ZRANB3: variants seen among roughly 807,000 people sequenced by gnomAD.
The protein encoded by ZRANB3 is DNA annealing helicase and endonuclease ZRANB3.
A neutral mutation model predicts 133.8 loss-of-function variants in ZRANB3; 125 were observed. The observed-to-expected ratio is 0.93, with a 90% CI of 0.81 to 1.08. ZRANB3 has a LOEUF of 1.08. Ranked by LOEUF, ZRANB3 falls within the 50% of genes least tolerant of loss-of-function variation. ZRANB3 has a pLI of 0.00. For missense variants in ZRANB3, 1,229 were observed against 1,275.5 expected, an observed-to-expected ratio of 0.96 and a Z score of 0.56; for synonymous variants, 387 against 432.7, an observed-to-expected ratio of 0.89 and a Z score of 1.31.
chr2:135,461,839 G>A (rs1274846959), intron 2 of ZRANB3, among the ~76,000 whole-genome samples: 1 of 152,028 alleles, frequency 6.6e-6, no homozygotes, highest in South Asian at 2.1e-4. Flanking sequence ...CTAGCAAAAT[G>A]GAAAATATAG....
intron 2 of ZRANB3, among the ~76,000 whole-genome samples, chr2:135,493,028 T>C (rs1412923668): frequency 2.0e-5 from 3 of 147,126 alleles, no homozygotes; most frequent in Non-Finnish European, 4.5e-5. Context: ...AATAACTAGA[T>C]ATTGGTATGA....
rs1283164476 is a variant in ZRANB3, at chr2:135,244,563, G to A, written c.1540-13636C>T. ...GTGGAGGTTGCAGTGAGCTGAGTTC[G>A]CACCATTGCACTCCAGCCTGGGTGA... is the stretch of plus-strand genomic sequence containing the variant. On this transcript the variant is annotated intron_variant, in intron 12 of 20. Transcript: ENST00000264159. 7.2e-5 allele frequency among the ~76,000 whole-genome samples: 11 copies of A among 151,854 alleles called. No individual in the cohort carries two copies. The South Asian group carries it at 1.2e-3, about 17-fold the overall frequency.
chr2:135,326,476 T>A (rs554868894), intron 6 of ZRANB3, among the ~76,000 whole-genome samples: 3 of 152,346 alleles, frequency 2.0e-5, no homozygotes, highest in South Asian at 4.1e-4. Context: ...TAGTTTTTTT[T>A]AAATTTTACT....
chr2:135,218,380 G>C (rs1349905771), intron 16 of ZRANB3, among the ~76,000 whole-genome samples: 1 of 152,118 alleles, frequency 6.6e-6, no homozygotes, highest in Non-Finnish European at 1.5e-5. Context: ...TACCAGTCAA[G>C]TATACACAAC....
intron 6 of ZRANB3, among the ~76,000 whole-genome samples, chr2:135,316,981 AAAAT>A (rs1422060037): frequency 1.0e-4 from 14 of 140,674 alleles, no homozygotes; most frequent in African/African-American, 2.9e-4. Context: ...AAAAAAAAAA[AAAAT>A]ATATATATAT....
At chr2:135,500,994 G>A (rs1574212742) in intron 2 of ZRANB3, among the ~76,000 whole-genome samples, 1 of 151,954 alleles carries the variant, frequency 6.6e-6, no homozygotes, top group African/African-American at 2.4e-5. Context: ...TTTGAAGAGG[G>A]AATAGCTGAG....
Position 135,379,834 on chromosome 2 carries a change from C to T in ZRANB3, c.180+10968G>A, listed in dbSNP as rs927146158. Among the ~76,000 whole-genome samples, 11 of 151,946 alleles carry T rather than the reference C, an allele frequency of 7.2e-5. No homozygotes were observed. The East Asian group carries it at 1.2e-3, about 16-fold the overall frequency. ...AATATTAACCTTAAATGTAAATGGG[C>T]GAAATGTACCCATTAAAAGACAGAA... is the stretch of plus-strand genomic sequence containing the variant. On this transcript the variant is annotated intron_variant, in intron 3 of 20. Coordinates refer to ENST00000264159, the MANE Select transcript of ZRANB3 (RefSeq NM_032143.4).
chr2:135,436,467 C>T (rs1689537673), intron 2 of ZRANB3, among the ~76,000 whole-genome samples: 1 of 152,144 alleles, frequency 6.6e-6, no homozygotes. Context: ...CATACACCAA[C>T]AACAGCCAAA....
intron 8 of ZRANB3, among the ~76,000 whole-genome samples, chr2:135,280,491 C>T (rs181548778): frequency 0.011 from 1,642 of 152,144 alleles, 26 homozygotes; most frequent in African/African-American, 0.037. Flanking sequence ...CATTTGAGCC[C>T]GGGAGGCAGA....
chr2:135,290,013 T>C (rs1681605579), intron 8 of ZRANB3, among the ~76,000 whole-genome samples: 1 of 152,250 alleles, frequency 6.6e-6, no homozygotes, highest in African/African-American at 2.4e-5. Context: ...ATATAATGTA[T>C]ATTCTGTAGT....
chr2:135,510,848 G>A (rs1021136407), intron 1 of ZRANB3: 24 of 998,154 alleles, frequency 2.4e-5, no homozygotes, highest in Admixed American at 6.7e-5. Flanking sequence ...ACTCCACCAC[G>A]TTCCCATAAT....
intron 12 of ZRANB3, among the ~76,000 whole-genome samples, chr2:135,247,894 TG>T (rs1379374683): frequency 1.3e-5 from 2 of 152,194 alleles, no homozygotes; most frequent in African/African-American, 2.4e-5. Flanking sequence ...ACAGCACAGC[TG>T]ATCTACCAAA....
chr2:135,290,217 T>C (rs537112771), intron 8 of ZRANB3, among the ~76,000 whole-genome samples: 1 of 152,308 alleles, frequency 6.6e-6, no homozygotes, highest in East Asian at 1.9e-4. Context: ...CTATATTGTG[T>C]TGTGGTCTAT....
chr2:135,209,108 T>A (rs1435686273), intron 17 of ZRANB3, 130 bp from the exon 18 acceptor site: 2 of 770,738 alleles, frequency 2.6e-6, no homozygotes, highest in Non-Finnish European at 4.0e-6. Flanking sequence ...GTGCTGAAAC[T>A]CAAGTTAGAA....
chr2:135,251,833 G>A (rs1308928863), intron 12 of ZRANB3, among the ~76,000 whole-genome samples: 1 of 152,098 alleles, frequency 6.6e-6, no homozygotes, highest in African/African-American at 2.4e-5. Context: ...TCAGGAGTTT[G>A]AGGCCAGCCT....
At chr2:135,464,404 T>C (rs1574143717) in intron 2 of ZRANB3, among the ~76,000 whole-genome samples, 1 of 152,240 alleles carries the variant, frequency 6.6e-6, no homozygotes, top group Non-Finnish European at 1.5e-5. Flanking sequence ...CGCCTTAGGG[T>C]GGAAGTTGCA....
chr2:135,341,100 C>T (rs1476001786), intron 6 of ZRANB3, among the ~76,000 whole-genome samples: 1 of 149,760 alleles, frequency 6.7e-6, no homozygotes, highest in Non-Finnish European at 1.5e-5. Context: ...TATCTCGGCT[C>T]ACTGAAAGCT....
chr2:135,344,930 G>A (rs895972723), intron 6 of ZRANB3, among the ~76,000 whole-genome samples: 1 of 152,088 alleles, frequency 6.6e-6, no homozygotes, highest in African/African-American at 2.4e-5. Context: ...CACCCAAAGG[G>A]TATCTTCAGA....
chr2:135,350,650 C>G (rs1685164418), intron 4 of ZRANB3, among the ~76,000 whole-genome samples: 1 of 152,172 alleles, frequency 6.6e-6, no homozygotes, highest in Admixed American at 6.5e-5. Context: ...GTGCACTGAA[C>G]AGGCCCTCCT....
Sources: gnomAD v4.1 joint callset for allele counts (sites outside exome capture counted in the v4.1 genomes callset) on GRCh38, gnomAD v4.1.1 for gene constraint, MANE v1.5 for transcripts, NCBI Gene and HGNC (gene_info 2026-07-23, HGNC 2026-07-21) for gene names.